Variants in NRG2 observed in about 807,000 individuals in gnomAD.
NRG2 encodes neuregulin 2.
NRG2 carries 27 observed loss-of-function variants against 73.9 expected under a neutral mutation model. The observed-to-expected ratio is 0.37, with a 90% CI of 0.27 to 0.50. The LOEUF (loss-of-function observed/expected upper bound fraction) is 0.50, where lower values mean the gene tolerates loss of function less well. Among genes scored for constraint, NRG2 ranks in the 20% least tolerant of loss-of-function variants. The pLI is 0.96. For missense variants in NRG2, 1,126 were observed against 1,210.1 expected (o/e 0.93, Z 1.03); for synonymous variants, 532 against 541.0 (o/e 0.98, Z 0.23).
intron 1 of NRG2, among the ~76,000 whole-genome samples, chr5:140,039,146 T>C (rs1198378953): frequency 6.6e-6 from 1 of 152,168 alleles, no homozygotes; most frequent in Non-Finnish European, 1.5e-5. Context: ...AAGAAAGAAA[T>C]GATCTTCATT....
intron 1 of NRG2, among the ~76,000 whole-genome samples, chr5:139,978,059 A>T (rs541845165): frequency 1.3e-3 from 195 of 152,352 alleles, no homozygotes; most frequent in African/African-American, 4.4e-3. Context: ...CTAAAACACC[A>T]AAAGCAATGG....
At chr5:139,901,685 C>T (rs756668165) in intron 1 of NRG2, among the ~76,000 whole-genome samples, 5 of 152,234 alleles carry the variant, frequency 3.3e-5, no homozygotes, top group South Asian at 2.1e-4. Context: ...TGCCTTCACA[C>T]TCCAGGACAC....
chr5:139,956,287 G>A (rs1175765009), intron 1 of NRG2, among the ~76,000 whole-genome samples: 1 of 152,016 alleles, frequency 6.6e-6, no homozygotes, highest in Non-Finnish European at 1.5e-5. Flanking sequence ...AGGAGGCTCC[G>A]AGCTGTCCCT....
intron 1 of NRG2, among the ~76,000 whole-genome samples, chr5:139,902,758 T>C (rs1157078672): frequency 6.6e-6 from 1 of 152,140 alleles, no homozygotes; most frequent in African/African-American, 2.4e-5. Context: ...ACCAAATCCA[T>C]AAATTTTCGA....
chr5:139,922,844 C>A (rs1177394625), intron 1 of NRG2, among the ~76,000 whole-genome samples: 1 of 152,074 alleles, frequency 6.6e-6, no homozygotes, highest in African/African-American at 2.4e-5. Flanking sequence ...GTGAAGGAAG[C>A]CAATCGGAAA....
intron 1 of NRG2, among the ~76,000 whole-genome samples, chr5:139,982,334 C>T (rs981657290): frequency 1.3e-5 from 2 of 152,152 alleles, no homozygotes; most frequent in African/African-American, 4.8e-5. Context: ...CCCCTCACTC[C>T]TAAAGCTGCT....
rs1179201070 is a variant in NRG2, at chr5:139,847,056, T to C, written c.*861A>G. 2.6e-5 allele frequency: 4 copies of C among 152,270 alleles called. No homozygotes were observed. The highest frequency in any genetic ancestry group is 9.7e-5 in the African/African-American group (4 of 41,414). 9.4% of individuals were successfully genotyped at this position (152,270 alleles called of 1,614,324 possible). A position where few individuals can be genotyped will look rare whatever the true frequency, so the allele number is the denominator to read the frequency against. On this transcript the variant is annotated 3_prime_UTR_variant, in exon 10 of 10. Coordinates refer to ENST00000361474, the MANE Select transcript of NRG2 (RefSeq NM_004883.3). ...TTATTGCTAAAAGGGGAATACACTGTCGAGTGGCTCTTCTCGGTCCCAGCG... is the reference window on the plus strand; with the variant it reads ...TTATTGCTAAAAGGGGAATACACTGCCGAGTGGCTCTTCTCGGTCCCAGCG...
intron 1 of NRG2, among the ~76,000 whole-genome samples, chr5:140,016,748 G>T (rs1160254827): frequency 6.6e-6 from 1 of 152,254 alleles, no homozygotes; most frequent in Non-Finnish European, 1.5e-5. Context: ...GCTCGGAAGG[G>T]CAGAGAGCAG....
At chr5:139,859,795 TG>T (rs1762032716) in intron 5 of NRG2, 1 of 1,347,544 alleles carries the variant, frequency 7.4e-7, no homozygotes, top group Non-Finnish European at 1.0e-6. Context: ...TTCCATTTTT[TG>T]GAAAGGAAAC....
At chr5:139,989,158 C>T (rs923788166) in intron 1 of NRG2, among the ~76,000 whole-genome samples, 34 of 152,044 alleles carry the variant, frequency 2.2e-4, no homozygotes, top group African/African-American at 7.5e-4. Flanking sequence ...TCCTTGCCTC[C>T]CACATCTAAG....
intron 1 of NRG2, among the ~76,000 whole-genome samples, chr5:140,036,680 C>A (rs2436389): frequency 0.72 from 110,259 of 152,126 alleles, 40,895 homozygotes; most frequent in East Asian, 0.96. Flanking sequence ...AATTTGCTAG[C>A]AACAAGTAAG....
chr5:139,937,368 A>G (rs1385199484), intron 1 of NRG2, among the ~76,000 whole-genome samples: 3 of 152,242 alleles, frequency 2.0e-5, no homozygotes, highest in African/African-American at 7.2e-5. Context: ...ATCATACTTA[A>G]CGGCAAAAAA....
intron 5 of NRG2, among the ~76,000 whole-genome samples, chr5:139,864,552 A>G (rs1023603412): frequency 2.6e-5 from 4 of 151,814 alleles, no homozygotes. Context: ...TAGCATCTCC[A>G]GCACCAACCC....
chr5:139,973,156 CAAAAAAA>C (rs58053481), intron 1 of NRG2, among the ~76,000 whole-genome samples: 3 of 89,418 alleles, frequency 3.4e-5, no homozygotes, highest in Admixed American at 1.2e-4. Flanking sequence ...TAAGAATATG[CAAAAAAA>C]AAAAAAAAAA....
At chr5:139,899,268 T>G (rs1427038953) in intron 1 of NRG2, among the ~76,000 whole-genome samples, 2 of 151,794 alleles carry the variant, frequency 1.3e-5, no homozygotes, top group Non-Finnish European at 2.9e-5. Context: ...TAATAAATGG[T>G]GGGTGGGAGG....
At chr5:139,908,273 G>T (rs1206972166) in intron 1 of NRG2, among the ~76,000 whole-genome samples, 1 of 152,210 alleles carries the variant, frequency 6.6e-6, no homozygotes, top group African/African-American at 2.4e-5. Context: ...GTGTATTAGA[G>T]AAATTAATCT....
chr5:139,907,656 C>T (rs942772992), intron 1 of NRG2, among the ~76,000 whole-genome samples: 10 of 152,126 alleles, frequency 6.6e-5, no homozygotes, highest in African/African-American at 2.4e-4. Flanking sequence ...TCAGAAATGG[C>T]ATGGAAATTC....
chr5:139,971,248 C>T (rs1755946901), intron 1 of NRG2, among the ~76,000 whole-genome samples: 1 of 152,216 alleles, frequency 6.6e-6, no homozygotes, highest in Non-Finnish European at 1.5e-5. Context: ...CTAGCTCCTC[C>T]ACGATCACTC....
At position 139,856,884 on chromosome 5, in the gene NRG2, A is replaced by C. The variant is rs1409052731; in HGVS notation, c.1190-1106T>G. Among the ~76,000 whole-genome samples, 1 of 152,132 alleles carries C rather than the reference A, an allele frequency of 6.6e-6. No individual in the cohort carries two copies. Among genetic ancestry groups the C allele is most frequent in the Admixed American group, 6.5e-5 (1 of 15,284 alleles). On this transcript the variant is annotated intron_variant, in intron 5 of 9. Transcript: ENST00000361474. The surrounding 1 kb of genome is among the most constrained non-coding windows in gnomAD (Gnocchi z 4.2). ...CACACACGCCCATGCCCACTGACAC[A>C]CAGTTGGATGGAGTTGTAAACAACC...
Sources: allele counts gnomAD v4.1 joint callset (sites outside exome capture counted in the v4.1 genomes callset), GRCh38; gene constraint gnomAD v4.1.1; non-coding constraint Gnocchi (gnomAD v3.1); transcripts MANE v1.5; gene names NCBI Gene and HGNC (gene_info 2026-07-23, HGNC 2026-07-21).